Variants in SIRPG observed in about 807,000 individuals in gnomAD.
SIRPG encodes the protein signal-regulatory protein gamma.
Under a neutral mutation model 35.7 loss-of-function variants are expected in SIRPG, and 38 were observed. The ratio of observed to expected loss-of-function variants is 1.06; its 90% confidence interval spans 0.82 to 1.40. The LOEUF (loss-of-function observed/expected upper bound fraction) is 1.40, where lower values mean the gene tolerates loss of function less well. SIRPG is among the 40% of genes most tolerant of loss of function. SIRPG has a pLI of 0.00. For missense variants in SIRPG, 519 were observed against 483.0 expected (o/e 1.07, Z -0.70); for synonymous variants, 215 against 190.4 (o/e 1.13, Z -1.06).
Position 1,649,223 on chromosome 20 carries a change from T to C in SIRPG, c.259A>G (p.Arg87Gly). ...GTGAGGTCTGAAACTGTTGTTACCC[T>C]GGGGAAGTGGCCTTCTTTTTGATTG... ...IYNQKEGHFP[R>G]VTTVSDLTKR... Residue 87 changes from arginine (R) to glycine (G), a missense_variant, in exon 2 of 6, where the codon AGG becomes GGG. Arg to Gly is a moderately radical substitution (Grantham distance 125, BLOSUM62 -2). Transcript: ENST00000303415. The C allele has an allele frequency of 6.2e-7, 1 of 1,614,174 alleles. No homozygotes were observed. Among genetic ancestry groups the C allele is most frequent in the Non-Finnish European group, 8.5e-7 (1 of 1,180,040 alleles).
At chr20:1,676,507 G>A in the SIRPG span, among the ~76,000 whole-genome samples, 14 of 152,152 alleles carry the variant, frequency 9.2e-5, no homozygotes, top group Non-Finnish European at 1.8e-4. Flanking sequence ...AGGAATGATA[G>A]GGTTTATGTT....
chr20:1,663,040 G>A, the SIRPG span, among the ~76,000 whole-genome samples: 36,885 of 151,782 alleles, frequency 0.24, 5,215 homozygotes, highest in East Asian at 0.6. Context: ...ATGGCCCGGC[G>A]CGGTAGCTCA....
chr20:1,629,872 T>C (rs1167665538), intron 5 of SIRPG, among the ~76,000 whole-genome samples: 1 of 152,148 alleles, frequency 6.6e-6, no homozygotes, highest in Non-Finnish European at 1.5e-5. Context: ...GCTTCCCATT[T>C]GGGTTTCTCA....
In SIRPG at chr20:1,635,335, G is replaced by C; in HGVS notation, c.1013C>G (p.Ala338Gly). The C allele has an allele frequency of 1.2e-6, 2 of 1,614,166 alleles. No homozygotes were observed. Among genetic ancestry groups the C allele is most frequent in the South Asian group, 2.2e-5 (2 of 91,080 alleles). The stretch of plus-strand genomic sequence containing the variant: ...CTCTAGGGCAAGGCGTTTGCTGACC[G>C]CCAGCTGCCCATCATGCTTCACCTG... ...TCQVKHDGQLAVSKRLALEVT... is the reference protein window; with the variant it reads ...TCQVKHDGQLGVSKRLALEVT... The change falls in exon 4 of 6, where the codon GCG becomes GGG. Residue 338 changes from alanine (A) to glycine (G), a missense_variant. Transcript: ENST00000303415.
chr20:1,630,601 A>C (rs1305783550), intron 4 of SIRPG: 1 of 340,580 alleles, frequency 2.9e-6, no homozygotes, highest in African/African-American at 2.2e-5. Context: ...TGACCCTCAC[A>C]AGCCTATGGG....
intron 2 of SIRPG, among the ~76,000 whole-genome samples, chr20:1,640,755 T>C (rs1278548503): frequency 1.3e-5 from 2 of 152,196 alleles, no homozygotes; most frequent in Non-Finnish European, 2.9e-5. Flanking sequence ...TTGTCATAAA[T>C]AGTTCTTTTT....
At chr20:1,674,630 A>T in the SIRPG span, among the ~76,000 whole-genome samples, 1 of 152,184 alleles carries the variant, frequency 6.6e-6, no homozygotes, top group East Asian at 1.9e-4. Flanking sequence ...CAACACCACC[A>T]TTCAGGACTC....
chr20:1,658,030 C>T (rs1036720610), upstream of SIRPG, among the ~76,000 whole-genome samples: 3 of 152,128 alleles, frequency 2.0e-5, no homozygotes, highest in Admixed American at 2.0e-4. Context: ...TGGTGATTTG[C>T]CATTTGAGGC....
the SIRPG span, among the ~76,000 whole-genome samples, chr20:1,670,628 A>C: frequency 6.6e-6 from 1 of 152,164 alleles, no homozygotes; most frequent in African/African-American, 2.4e-5. Flanking sequence ...TCTAGCATAG[A>C]GCTTGCTAGC....
At chr20:1,638,197 G>T (rs575017497) in intron 2 of SIRPG, among the ~76,000 whole-genome samples, 76 of 152,310 alleles carry the variant, frequency 5.0e-4, no homozygotes, top group African/African-American at 1.8e-3. Flanking sequence ...CCTTGAGGGG[G>T]TCCTCGTGTG....
chr20:1,653,637 G>C (rs148299659), intron 1 of SIRPG, among the ~76,000 whole-genome samples: 1 of 152,160 alleles, frequency 6.6e-6, no homozygotes, highest in African/African-American at 2.4e-5. Flanking sequence ...GAGGGAAAAT[G>C]CATTTTACCA....
chr20:1,671,026 T>G, the SIRPG span: 1 of 401,504 alleles, frequency 2.5e-6, no homozygotes, highest in East Asian at 7.8e-5. Context: ...GGGCATACTT[T>G]CTCCTGCAGG....
In SIRPG at chr20:1,636,297, C is replaced by T; in HGVS notation, c.639G>A (p.Val213=). The T allele has an allele frequency of 6.2e-7, 1 of 1,614,248 alleles. No individual in the cohort carries two copies. Among genetic ancestry groups the T allele is most frequent in the African/African-American group, 1.3e-5 (1 of 75,058 alleles). Residue 213 remains valine (V), a synonymous_variant, in exon 3 of 6, where the codon GTG becomes GTA. Transcript: ENST00000303415. ...AGCGAACGTCCCAGGGGTCCAGTACCACCCTGGCTGTGCTGCGGATGCTGT... is the reference window on the plus strand; with the variant it reads ...AGCGAACGTCCCAGGGGTCCAGTACTACCCTGGCTGTGCTGCGGATGCTGT... ...VAYSIRSTAR[V]VLDPWDVRSQ...
chr20:1,655,612 G>T (rs2091970495), intron 1 of SIRPG, among the ~76,000 whole-genome samples: 1 of 152,116 alleles, frequency 6.6e-6, no homozygotes, highest in Non-Finnish European at 1.5e-5. Context: ...TGTACAATGT[G>T]GTGTTTATAC....
intron 1 of SIRPG, among the ~76,000 whole-genome samples, chr20:1,653,352 A>G (rs1309252617): frequency 6.6e-6 from 1 of 152,236 alleles, no homozygotes; most frequent in Non-Finnish European, 1.5e-5. Flanking sequence ...GATCACATGA[A>G]GTAAAAGAGG....
rs56146227 is a variant in SIRPG, at chr20:1,651,758, G to A, written c.74-2350C>T. 5.9e-5 allele frequency among the ~76,000 whole-genome samples: 9 copies of A among 151,764 alleles called. No individual in the cohort carries two copies. In the South Asian group the frequency reaches 6.2e-4, roughly 11 times the overall value. On this transcript the variant is annotated intron_variant, in intron 1 of 5. Coordinates refer to ENST00000303415, the MANE Select transcript of SIRPG (RefSeq NM_018556.4). ...TGCCCTGATGCCTTTCTTGTGTTGT[G>A]CTATGCACAGCTATGTGTTGCCTTT...
chr20:1,643,619 A>T (rs1358188652), intron 2 of SIRPG, among the ~76,000 whole-genome samples: 1 of 151,798 alleles, frequency 6.6e-6, no homozygotes, highest in Non-Finnish European at 1.5e-5. Flanking sequence ...CCTGCTGGAG[A>T]CTCATTGCGA....
At chr20:1,645,505 G>A (rs1229228468) in intron 2 of SIRPG, among the ~76,000 whole-genome samples, 1 of 152,192 alleles carries the variant, frequency 6.6e-6, no homozygotes, top group Non-Finnish European at 1.5e-5. Flanking sequence ...TTGAGGCCTG[G>A]AGGAGCACTG....
the SIRPG span, among the ~76,000 whole-genome samples, chr20:1,683,047 A>G: frequency 6.6e-6 from 1 of 152,234 alleles, no homozygotes; most frequent in Non-Finnish European, 1.5e-5. Context: ...AAGCAACTCA[A>G]TTATAAGGCA....
Sources: allele counts gnomAD v4.1 joint callset (sites outside exome capture counted in the v4.1 genomes callset), GRCh38; gene constraint gnomAD v4.1.1; transcripts MANE v1.5; gene names NCBI Gene and HGNC (gene_info 2026-07-23, HGNC 2026-07-21).